ATP11A: variants seen among roughly 807,000 people sequenced by gnomAD.
The protein encoded by ATP11A is phospholipid-transporting ATPase IH.
ATP11A carries 81 observed loss-of-function variants against 154.4 expected under a neutral mutation model. The observed-to-expected ratio is 0.52, with a 90% CI of 0.44 to 0.63. The LOEUF (loss-of-function observed/expected upper bound fraction) is 0.63, where lower values mean the gene tolerates loss of function less well. Among genes scored for constraint, ATP11A ranks in the 30% least tolerant of loss-of-function variants. The pLI is 0.00. For synonymous variants in ATP11A, 623 were observed against 585.9 expected (o/e 1.06, Z -0.91); for missense variants, 1,316 against 1,474.3 (o/e 0.89, Z 1.76).
intron 25 of ATP11A, among the ~76,000 whole-genome samples, chr13:112,870,288 C>T (rs185044620): frequency 6.4e-4 from 97 of 152,320 alleles, no homozygotes; most frequent in African/African-American, 2.2e-3. Flanking sequence ...TGTGGGAGGA[C>T]TGTAGCCCAC....
chr13:112,709,233 C>T (rs1887482570), intron 1 of ATP11A, among the ~76,000 whole-genome samples: 1 of 152,220 alleles, frequency 6.6e-6, no homozygotes, highest in South Asian at 2.1e-4. Context: ...AAATTCTCAT[C>T]AGATGGGTTT....
chr13:112,795,336 G>T (rs1327392229), intron 2 of ATP11A, among the ~76,000 whole-genome samples: 1 of 152,240 alleles, frequency 6.6e-6, no homozygotes, highest in Non-Finnish European at 1.5e-5. Context: ...TGGAAGGATT[G>T]CAGATCATAT....
intron 27 of ATP11A, among the ~76,000 whole-genome samples, chr13:112,874,122 G>A (rs1054903386): frequency 6.6e-6 from 1 of 152,228 alleles, no homozygotes; most frequent in Admixed American, 6.5e-5. Context: ...CCATCCTCAC[G>A]CCCCGCAGCA....
In ATP11A at chr13:112,697,088, C is replaced by G. The variant is rs116275337; in HGVS notation, c.39+6633C>G. ...GAGGGCCTGGCCAGGTGGGTGCCTG[C>G]GTGTCCAGCCTGAGGGGCGGCCCAC... is the stretch of plus-strand genomic sequence containing the variant. On this transcript the variant is annotated intron_variant, in intron 1 of 29. Transcript: ENST00000375645. The surrounding 1 kb of genome is among the most constrained non-coding windows in gnomAD (Gnocchi z 4.0). Among the ~76,000 whole-genome samples the G allele has an allele frequency of 6.6e-6, 1 of 152,130 alleles. No individual in the cohort carries two copies. The highest frequency in any genetic ancestry group is 2.4e-5 in the African/African-American group (1 of 41,440).
intron 1 of ATP11A, among the ~76,000 whole-genome samples, chr13:112,736,533 A>G (rs1474241114): frequency 6.6e-6 from 1 of 152,194 alleles, no homozygotes; most frequent in African/African-American, 2.4e-5. Flanking sequence ...AGCCAGGAGC[A>G]CCAGGCAGGT....
intron 9 of ATP11A, among the ~76,000 whole-genome samples, chr13:112,823,687 G>T (rs1203623511): frequency 4.6e-5 from 7 of 152,238 alleles, no homozygotes; most frequent in African/African-American, 1.7e-4. Flanking sequence ...GTTTAGTTGT[G>T]CAGGAAATGT....
At chr13:112,723,724 A>C (rs1219507990) in intron 1 of ATP11A, among the ~76,000 whole-genome samples, 1 of 152,056 alleles carries the variant, frequency 6.6e-6, no homozygotes. Flanking sequence ...GGTTCCCTTG[A>C]CCAAGAAGGG....
At chr13:112,810,403 A>G (rs1459535501) in intron 4 of ATP11A, among the ~76,000 whole-genome samples, 1 of 152,226 alleles carries the variant, frequency 6.6e-6, no homozygotes, top group Admixed American at 6.5e-5. Flanking sequence ...AAGTTCTACA[A>G]CTGCAGACAT....
intron 1 of ATP11A, among the ~76,000 whole-genome samples, chr13:112,717,113 C>G (rs1026733703): frequency 6.6e-6 from 1 of 152,162 alleles, no homozygotes; most frequent in African/African-American, 2.4e-5. Context: ...GAAAGAGAAG[C>G]CAGGAGGAGA....
chr13:112,765,149 CCT>C (rs1378816269), intron 1 of ATP11A, among the ~76,000 whole-genome samples: 1 of 25,994 alleles, frequency 3.8e-5, no homozygotes, highest in African/African-American at 4.1e-4. Flanking sequence ...GCTTGCCCCC[CCT>C]CCCCCCCGCC....
intron 1 of ATP11A, among the ~76,000 whole-genome samples, chr13:112,782,700 T>C (rs1472831215): frequency 6.6e-6 from 1 of 152,180 alleles, no homozygotes; most frequent in Admixed American, 6.5e-5. Flanking sequence ...GGGCCCGTCC[T>C]CGTGGGGAGG....
chr13:112,759,372 C>T (rs972845672), intron 1 of ATP11A, among the ~76,000 whole-genome samples: 3 of 152,254 alleles, frequency 2.0e-5, no homozygotes, highest in East Asian at 1.9e-4. Context: ...TGGCAGAGTC[C>T]GGAGACTTCT....
chr13:112,847,855 G>A (rs1382002152), intron 17 of ATP11A, among the ~76,000 whole-genome samples: 1 of 152,302 alleles, frequency 6.6e-6, no homozygotes, highest in African/African-American at 2.4e-5. Flanking sequence ...GGAGGCTGAG[G>A]CATAAGGATC....
intron 4 of ATP11A, among the ~76,000 whole-genome samples, 179 bp from the exon 5 acceptor site, chr13:112,810,440 C>G (rs1034737912): frequency 6.6e-6 from 1 of 152,234 alleles, no homozygotes; most frequent in South Asian, 2.1e-4. Context: ...TGCCATGGAA[C>G]ATGCCGATGC....
At chr13:112,868,055 G>A (rs4907550) in intron 25 of ATP11A, among the ~76,000 whole-genome samples, 60,687 of 152,186 alleles carry the variant, frequency 0.4, 12,308 homozygotes, top group Middle Eastern at 0.46. Flanking sequence ...AGCATTTTCT[G>A]CACTGACATC....
chr13:112,877,912 T>C (rs909057969), intron 28 of ATP11A, among the ~76,000 whole-genome samples: 4 of 151,412 alleles, frequency 2.6e-5, no homozygotes, highest in Non-Finnish European at 5.9e-5. Flanking sequence ...TAGAAGCCCC[T>C]GTATTGCTGT....
intron 1 of ATP11A, among the ~76,000 whole-genome samples, chr13:112,702,519 G>T (rs1188443577): frequency 6.6e-6 from 1 of 152,186 alleles, no homozygotes; most frequent in Non-Finnish European, 1.5e-5. Context: ...CCTCGGGCCC[G>T]ATGTGCCAGG....
At chr13:112,816,591 G>A (rs908869335) in intron 6 of ATP11A, among the ~76,000 whole-genome samples, 2 of 152,124 alleles carry the variant, frequency 1.3e-5, no homozygotes, top group Non-Finnish European at 2.9e-5. Flanking sequence ...CCTGAGCCCA[G>A]CACGCTCTTG....
chr13:112,824,282 A>G, intron 9 of ATP11A, 62 bp from the exon 10 acceptor site: 1 of 1,297,750 alleles, frequency 7.7e-7, no homozygotes. Flanking sequence ...GCTGTGTGTA[A>G]CTCACCATAA....
Sources: gnomAD v4.1 joint callset for allele counts (sites outside exome capture counted in the v4.1 genomes callset) on GRCh38, gnomAD v4.1.1 for gene constraint, Gnocchi (gnomAD v3.1) non-coding constraint, MANE v1.5 for transcripts, NCBI Gene and HGNC (gene_info 2026-07-23, HGNC 2026-07-21) for gene names.